Variants in VPS33B observed in about 807,000 individuals in gnomAD.
VPS33B encodes the protein vacuolar protein sorting-associated protein 33B.
Under a neutral mutation model 95.3 loss-of-function variants are expected in VPS33B, and 80 were observed. The observed-to-expected ratio is 0.84, with a 90% confidence interval of 0.70 to 1.01. VPS33B has a LOEUF of 1.01. VPS33B is among the 50% of genes least tolerant of loss of function. The pLI is 0.00. For missense variants in VPS33B, 715 were observed against 773.4 expected (o/e 0.92, Z 0.90); for synonymous variants, 280 against 280.4 (o/e 1.00, Z 0.01).
chr15:91,017,885 G>A lies in VPS33B; in HGVS notation c.97C>T (p.Leu33Phe), dbSNP rs201228119. 5.6e-6 allele frequency: 9 copies of A among 1,613,924 alleles called. No individual in the cohort carries two copies. The highest frequency in any genetic ancestry group is 6.8e-6 in the Non-Finnish European group (8 of 1,179,956). ...RDQLIYLLEQ[L>F]PGKKDLFIEA... Reference sequence around the variant, plus strand: ...ATGAATAAATCCTTTTTTCCAGGAAGCTGAAGGAGACACAATATGTTGGGT... The same window carrying A: ...ATGAATAAATCCTTTTTTCCAGGAAACTGAAGGAGACACAATATGTTGGGT... The change falls in exon 2 of 23, where the codon CTT (leucine) becomes TTT (phenylalanine). Residue 33 changes from leucine (L) to phenylalanine (F), a missense_variant and splice_region_variant. Transcript: ENST00000333371.
rs1307232115 is a variant in VPS33B at position 91,018,493 on chromosome 15, C to A, written c.97-608G>T. 1.3e-5 allele frequency among the ~76,000 whole-genome samples: 2 copies of A among 152,206 alleles called. No homozygotes were observed. The highest frequency in any genetic ancestry group is 2.4e-5 in the African/African-American group (1 of 41,440). On this transcript the variant is annotated intron_variant, in intron 1 of 22. Coordinates refer to ENST00000333371, the MANE Select transcript of VPS33B (RefSeq NM_018668.5). The surrounding 1 kb of genome is among the most constrained non-coding windows in gnomAD (Gnocchi z 4.7). ...GGGAAAGTCACTGGGAGTTTCCTCT[C>A]ACCCAGGCCTTCACAAATGAGTAGG...
rs115442790 is a variant in VPS33B, at chr15:91,011,830, A to T, written c.357+1974T>A. Among the ~76,000 whole-genome samples, 2,602 of 152,242 alleles carry T rather than the reference A, an allele frequency of 0.017. 77 individuals carry two copies. The highest frequency in any genetic ancestry group is 0.057 in the African/African-American group (2,382 of 41,518). On this transcript the variant is annotated intron_variant, in intron 5 of 22. Transcript: ENST00000333371. The surrounding 1 kb of genome is among the most constrained non-coding windows in gnomAD (Gnocchi z 5.5). ...TGGCAAAACCCCACCTCTTTTAAAA[A>T]TATAAAAAATTAGCCACGCACGGTG... is the stretch of plus-strand genomic sequence containing the variant.
At position 90,999,407 on chromosome 15, in the gene VPS33B, C is replaced by T; in HGVS notation, c.1774+270G>A. 1 of 506,092 alleles carries T rather than the reference C, an allele frequency of 2.0e-6. No homozygotes were observed. Among genetic ancestry groups the T allele is most frequent in the Non-Finnish European group, 3.6e-6 (1 of 277,486 alleles). 31.4% of individuals were successfully genotyped at this position (506,092 alleles called of 1,614,324 possible). ...AATCTCAGCTCACTGCAACCTCCAC[C>T]TCCCGGGTTCAAGCAATTCTCCTGC... On this transcript the variant is annotated intron_variant, in intron 22 of 22. Coordinates refer to ENST00000333371, the MANE Select transcript of VPS33B (RefSeq NM_018668.5). This position sits in a 1 kb window ranked among gnomAD's most constrained non-coding sequence, Gnocchi z 5.1.
Position 91,002,358 on chromosome 15 carries a change from C to A in VPS33B, c.1273-176G>T, listed in dbSNP as rs2151665506. Among the ~76,000 whole-genome samples, 1 of 152,326 alleles carries A rather than the reference C, an allele frequency of 6.6e-6. No individual in the cohort carries two copies. The highest frequency in any genetic ancestry group is 1.9e-4 in the East Asian group (1 of 5,190). ...AACCAAACAGGGCTGGGAGCGGTGG[C>A]TCATGCCTGTAATCCCAGCACTTTG... On this transcript the variant is annotated intron_variant, in intron 17 of 22. Transcript: ENST00000333371. The surrounding 1 kb of genome is among the most constrained non-coding windows in gnomAD (Gnocchi z 4.7).
At position 91,006,786 on chromosome 15, in the gene VPS33B, A is replaced by G; in HGVS notation, c.701-57T>C. 1.2e-6 allele frequency: 2 copies of G among 1,606,110 alleles called. No individual in the cohort carries two copies. Among genetic ancestry groups the G allele is most frequent in the Non-Finnish European group, 1.7e-6 (2 of 1,172,774 alleles). ...TCCCTGACCCAGCCTTCTACACAGC[A>G]TGTCCAAGGGCAGCTTTGATACTTT... On this transcript the variant is annotated intron_variant, in intron 9 of 22. Transcript: ENST00000333371. The surrounding 1 kb of genome is among the most constrained non-coding windows in gnomAD (Gnocchi z 5.4).
At chr15:91,003,033 C>T in intron 17 of VPS33B, 52 bp downstream of exon 17, 1 of 1,603,138 alleles carries the variant, frequency 6.2e-7, no homozygotes, top group Non-Finnish European at 8.5e-7. Context: ...CAAAAATGCC[C>T]AATAACTGCC....
In VPS33B at chr15:91,005,693, C is replaced by T. The variant is rs774653538; in HGVS notation, c.1030+1G>A. ...CTCACGCCCCTCAAGCTGAAACCTA[C>T]GGAGACTCAGCAGGCGGTGCTCCTG... On this transcript the variant is annotated splice_donor_variant, in intron 13 of 22. Transcript: ENST00000333371. LOFTEE classifies it high-confidence loss of function. This position sits in a 1 kb window ranked among gnomAD's most constrained non-coding sequence, Gnocchi z 6.4. The T allele has an allele frequency of 5.6e-6, 9 of 1,614,004 alleles. No individual in the cohort carries two copies. The highest frequency in any genetic ancestry group is 2.2e-5 in the East Asian group (1 of 44,892).
At position 91,007,423 on chromosome 15, in the gene VPS33B, G is replaced by A. The variant is rs753064606; in HGVS notation, c.603+46C>T. On this transcript the variant is annotated intron_variant, in intron 8 of 22. Coordinates refer to ENST00000333371, the MANE Select transcript of VPS33B (RefSeq NM_018668.5). The surrounding 1 kb of genome is among the most constrained non-coding windows in gnomAD (Gnocchi z 5.3). ...GATAACCCCAGGAGGGTACAGAACA[G>A]GGAAAACAGCGTCTGCTGGGACAAC... is the stretch of plus-strand genomic sequence containing the variant. 8 of 1,581,138 alleles carry A rather than the reference G, an allele frequency of 5.1e-6. No individual in the cohort carries two copies. The highest frequency in any genetic ancestry group is 7.0e-6 in the Non-Finnish European group (8 of 1,150,036).
In VPS33B at chr15:91,007,623, A is replaced by G; in HGVS notation, c.499-50T>C. Reference sequence around the variant, plus strand: ...AGATATGAATCAACCCAGTAGGACCACCTGGAAAGTGGCTAGCCCTAGAAG... The same window carrying G: ...AGATATGAATCAACCCAGTAGGACCGCCTGGAAAGTGGCTAGCCCTAGAAG... On this transcript the variant is annotated intron_variant, in intron 7 of 22. Coordinates refer to ENST00000333371, the MANE Select transcript of VPS33B (RefSeq NM_018668.5). This position sits in a 1 kb window ranked among gnomAD's most constrained non-coding sequence, Gnocchi z 5.3. 1.3e-6 allele frequency: 2 copies of G among 1,592,958 alleles called. No individual in the cohort carries two copies. The highest frequency in any genetic ancestry group is 1.1e-5 in the South Asian group (1 of 90,620).
Position 91,006,235 on chromosome 15 carries a change from G to T in VPS33B, c.852+137C>A. 1 of 1,399,338 alleles carries T rather than the reference G, an allele frequency of 7.1e-7. No individual in the cohort carries two copies. 86.7% of individuals were successfully genotyped at this position (1,399,338 alleles called of 1,614,324 possible). On this transcript the variant is annotated intron_variant, in intron 11 of 22. Transcript: ENST00000333371. This position sits in a 1 kb window ranked among gnomAD's most constrained non-coding sequence, Gnocchi z 5.4. ...GTGTTCTAGGAGATGCTCTGAACTG[G>T]TGGGGAAACCCTCTCTCCCATAGAC...
Position 90,999,672 on chromosome 15 carries a change from C to G in VPS33B, c.1774+5G>C. 6.2e-7 allele frequency: 1 copy of G among 1,613,988 alleles called. No individual in the cohort carries two copies. The highest frequency in any genetic ancestry group is 8.5e-7 in the Non-Finnish European group (1 of 1,179,910). On this transcript the variant is annotated splice_donor_5th_base_variant and intron_variant, in intron 22 of 22. Coordinates refer to ENST00000333371, the MANE Select transcript of VPS33B (RefSeq NM_018668.5). The surrounding 1 kb of genome is among the most constrained non-coding windows in gnomAD (Gnocchi z 5.1). ...GCCAATTCTCACCTTTCTGCTCTCTCTTACCTTTCTCTCTGCCCAGGAACC... is the reference window on the plus strand; with the variant it reads ...GCCAATTCTCACCTTTCTGCTCTCTGTTACCTTTCTCTCTGCCCAGGAACC...
chr15:91,021,027 G>A (rs7176746), intron 1 of VPS33B, among the ~76,000 whole-genome samples: 3,133 of 152,096 alleles, frequency 0.021, 112 homozygotes, highest in African/African-American at 0.07. Flanking sequence ...TATTTCTTAC[G>A]GGCATCTTAA....
chr15:91,007,318 A>C lies in VPS33B; in HGVS notation c.603+151T>G. ...TGGCTTTTGCTTCTCTGTTAGCCAC[A>C]CAAGTTCTCCTCTCTGAGGATCTAT... On this transcript the variant is annotated intron_variant, in intron 8 of 22. Coordinates refer to ENST00000333371, the MANE Select transcript of VPS33B (RefSeq NM_018668.5). This position sits in a 1 kb window ranked among gnomAD's most constrained non-coding sequence, Gnocchi z 5.3. The C allele has an allele frequency of 1.2e-6, 1 of 854,138 alleles. No homozygotes were observed. The highest frequency in any genetic ancestry group is 1.9e-6 in the Non-Finnish European group (1 of 524,620). The allele number at this position is 854,138 out of a possible 1,614,324, so 52.9% of individuals were successfully genotyped here. A position where few individuals can be genotyped will look rare whatever the true frequency, so the allele number is the denominator to read the frequency against.
chr15:91,011,670 T>G lies in VPS33B; in HGVS notation c.358-1824A>C, dbSNP rs2040783044. Among the ~76,000 whole-genome samples the G allele has an allele frequency of 1.3e-5, 2 of 152,180 alleles. No homozygotes were observed. The highest frequency in any genetic ancestry group is 2.4e-5 in the African/African-American group (1 of 41,450). ...AGAGGCTTGTAGGATTATTTTAACT[T>G]GTAGGATTATTCCCTGTTAATACAA... On this transcript the variant is annotated intron_variant, in intron 5 of 22. Transcript: ENST00000333371. The surrounding 1 kb of genome is among the most constrained non-coding windows in gnomAD (Gnocchi z 5.5).
At chr15:91,008,051 G>T in intron 6 of VPS33B, 87 bp from the exon 7 acceptor site, 1 of 1,238,540 alleles carries the variant, frequency 8.1e-7, no homozygotes, top group Non-Finnish European at 1.2e-6. Flanking sequence ...ATTTGAGTGC[G>T]TGCAACAAAT....
In VPS33B at chr15:91,007,049, G is replaced by A. The variant is rs1166642596; in HGVS notation, c.604-3C>T. ...TTCCTCCACAATTCATATGCCATCT[G>A]CCAGGGCCCAAGACATTCTCAGTCT... is the stretch of plus-strand genomic sequence containing the variant. On this transcript the variant is annotated splice_region_variant and splice_polypyrimidine_tract_variant and intron_variant, in intron 8 of 22. Coordinates refer to ENST00000333371, the MANE Select transcript of VPS33B (RefSeq NM_018668.5). This position sits in a 1 kb window ranked among gnomAD's most constrained non-coding sequence, Gnocchi z 5.3. 2 of 1,609,814 alleles carry A rather than the reference G, an allele frequency of 1.2e-6. No homozygotes were observed. Among genetic ancestry groups the A allele is most frequent in the Non-Finnish European group, 1.7e-6 (2 of 1,179,994 alleles).
At chr15:91,001,345 G>A in intron 19 of VPS33B, 44 bp downstream of exon 19, 1 of 1,296,364 alleles carries the variant, frequency 7.7e-7, no homozygotes. Context: ...ACTCCACAAT[G>A]GAATGAACCC....
chr15:91,004,792 G>T, intron 16 of VPS33B, 85 bp downstream of exon 16: 1 of 1,475,638 alleles, frequency 6.8e-7, no homozygotes, highest in Non-Finnish European at 9.5e-7. Context: ...TAAGACATTT[G>T]CCTTAGCCTT....
Position 91,018,482 on chromosome 15 carries a change from G to A in VPS33B, c.97-597C>T, listed in dbSNP as rs1026049235. Among the ~76,000 whole-genome samples the A allele has an allele frequency of 1.3e-5, 2 of 152,144 alleles. No individual in the cohort carries two copies. Among genetic ancestry groups the A allele is most frequent in the Non-Finnish European group, 2.9e-5 (2 of 68,032 alleles). Reference sequence around the variant, plus strand: ...GTGACAGGGAGGGGAAAGTCACTGGGAGTTTCCTCTCACCCAGGCCTTCAC... The same window carrying A: ...GTGACAGGGAGGGGAAAGTCACTGGAAGTTTCCTCTCACCCAGGCCTTCAC... On this transcript the variant is annotated intron_variant, in intron 1 of 22. Transcript: ENST00000333371. The surrounding 1 kb of genome is among the most constrained non-coding windows in gnomAD (Gnocchi z 4.7).
Sources: allele counts gnomAD v4.1 joint callset (sites outside exome capture counted in the v4.1 genomes callset), GRCh38; gene constraint gnomAD v4.1.1; non-coding constraint Gnocchi (gnomAD v3.1); transcripts MANE v1.5; gene names NCBI Gene and HGNC (gene_info 2026-07-23, HGNC 2026-07-21).